Variants in NEDD4L observed in about 807,000 individuals in gnomAD.
The protein encoded by NEDD4L is NEDD4 like E3 ubiquitin protein ligase.
Under a neutral mutation model 148.9 loss-of-function variants are expected in NEDD4L, and 54 were observed. The ratio of observed to expected loss-of-function variants is 0.36; its 90% CI spans 0.29 to 0.45. NEDD4L has a LOEUF of 0.45. Among genes scored for constraint, NEDD4L ranks in the 20% least tolerant of loss-of-function variants. The pLI, the probability that NEDD4L is intolerant of heterozygous loss-of-function variation, is 1.00. For missense variants in NEDD4L, 856 were observed against 1,233.8 expected (o/e 0.69, Z 4.59); for synonymous variants, 433 against 440.7 (o/e 0.98, Z 0.22).
chr18:58,346,508 A>C (rs1478291863), intron 16 of NEDD4L, among the ~76,000 whole-genome samples: 1 of 152,244 alleles, frequency 6.6e-6, no homozygotes, highest in Non-Finnish European at 1.5e-5. Flanking sequence ...GTTAAGTTGC[A>C]GGTTTGTTTT....
intron 5 of NEDD4L, among the ~76,000 whole-genome samples, chr18:58,289,241 A>ACGCT (rs1342573850): frequency 6.6e-6 from 1 of 152,186 alleles, no homozygotes; most frequent in African/African-American, 2.4e-5. Flanking sequence ...TAACAACTGA[A>ACGCT]CGCTCAGTTG....
At chr18:58,306,840 G>T (rs2057121795) in intron 5 of NEDD4L, among the ~76,000 whole-genome samples, 1 of 152,078 alleles carries the variant, frequency 6.6e-6, no homozygotes, top group African/African-American at 2.4e-5. Context: ...CACCATGTTG[G>T]CCAGGCTGTT....
At chr18:58,096,420 A>ATTTTATTTT in intron 1 of NEDD4L, among the ~76,000 whole-genome samples, 1 of 127,798 alleles carries the variant, frequency 7.8e-6, no homozygotes, top group African/African-American at 3.5e-5. Context: ...TATTTTATTT[A>ATTTTATTTT]TTTGACAGAG....
chr18:58,064,660 T>G (rs1164571767), intron 1 of NEDD4L, among the ~76,000 whole-genome samples: 1 of 152,368 alleles, frequency 6.6e-6, no homozygotes, highest in South Asian at 2.1e-4. Flanking sequence ...ATCTTGATCC[T>G]GAATACAAGG....
intron 5 of NEDD4L, among the ~76,000 whole-genome samples, chr18:58,266,269 A>G (rs1212786913): frequency 6.6e-6 from 1 of 152,118 alleles, no homozygotes; most frequent in Non-Finnish European, 1.5e-5. Context: ...AAGCAGTGAA[A>G]ATTGAGTATC....
At chr18:58,317,215 C>T (rs890449994) in intron 6 of NEDD4L, among the ~76,000 whole-genome samples, 3 of 152,236 alleles carry the variant, frequency 2.0e-5, no homozygotes, top group Admixed American at 6.5e-5. Context: ...CAGGGTGCCA[C>T]GGGAGGGGCC....
At chr18:58,284,129 A>G (rs944753631) in intron 5 of NEDD4L, among the ~76,000 whole-genome samples, 3 of 152,194 alleles carry the variant, frequency 2.0e-5, no homozygotes, top group Non-Finnish European at 2.9e-5. Context: ...TAAACCATCA[A>G]TTTCCATTGT....
At chr18:58,148,913 C>T (rs1156316989) in intron 1 of NEDD4L, among the ~76,000 whole-genome samples, 1 of 152,162 alleles carries the variant, frequency 6.6e-6, no homozygotes, top group African/African-American at 2.4e-5. Flanking sequence ...TCCTTATTTG[C>T]TCTAAGCAGT....
At position 58,065,940 on chromosome 18, in the gene NEDD4L, A is replaced by G. The variant is rs1271918694; in HGVS notation, c.48+21232A>G. On this transcript the variant is annotated intron_variant, in intron 1 of 30. Transcript: ENST00000400345. ...TATTGAATGATAGCTCACTGCTTAA[A>G]TAAGTGTTTAGAGTCCCAAGGTATA... is the stretch of plus-strand genomic sequence containing the variant. 2.0e-5 allele frequency among the ~76,000 whole-genome samples: 3 copies of G among 152,224 alleles called. No individual in the cohort carries two copies. In the East Asian group the frequency reaches 5.8e-4, roughly 29 times the overall value.
chr18:58,172,377 A>G (rs1267747604), intron 2 of NEDD4L, among the ~76,000 whole-genome samples: 3 of 152,160 alleles, frequency 2.0e-5, no homozygotes, highest in African/African-American at 2.4e-5. Flanking sequence ...TGAAGTGTGC[A>G]GTTAGGGTAG....
intron 1 of NEDD4L, among the ~76,000 whole-genome samples, chr18:58,113,450 G>T (rs2085540255): frequency 1.3e-5 from 2 of 152,294 alleles, no homozygotes; most frequent in East Asian, 1.9e-4. Context: ...TTTCTCTTTG[G>T]TGGGGGTTGA....
At chr18:58,168,006 C>T (rs1217170726) in intron 2 of NEDD4L, among the ~76,000 whole-genome samples, 2 of 152,062 alleles carry the variant, frequency 1.3e-5, no homozygotes, top group African/African-American at 4.8e-5. Context: ...GGCTCCAAAT[C>T]TTAGAAGAGC....
chr18:58,202,515 C>A (rs2041525889), intron 2 of NEDD4L, among the ~76,000 whole-genome samples: 1 of 152,246 alleles, frequency 6.6e-6, no homozygotes, highest in Non-Finnish European at 1.5e-5. Flanking sequence ...AAGCGCTGGA[C>A]TGGTGGCTTT....
chr18:58,118,408 A>G (rs1192477786), intron 1 of NEDD4L, among the ~76,000 whole-genome samples: 3 of 152,178 alleles, frequency 2.0e-5, no homozygotes, highest in African/African-American at 4.8e-5. Flanking sequence ...GGCTTTTCCT[A>G]CTTTCTCATC....
Position 58,341,687 on chromosome 18 carries a change from G to A in NEDD4L, c.1267G>A (p.Asp423Asn), listed in dbSNP as rs1489454109. The change falls in exon 15 of 31, where the codon GAT becomes AAT. Residue 423 changes from aspartate (D) to asparagine (N), a missense_variant. Physicochemically the swap from Asp to Asn is conservative, Grantham distance 23. Transcript: ENST00000400345. ...TTTGCCTCCAAAATAGCTTGCAGAA[G>A]ATGGTGCGTCCGGATCAGCCACAAA... ...WTRPIMQLAE[D>N]GASGSATNSN... 6.2e-7 allele frequency: 1 copy of A among 1,613,290 alleles called. No individual in the cohort carries two copies. The highest frequency in any genetic ancestry group is 1.7e-5 in the Admixed American group (1 of 59,970).
At chr18:58,046,045 G>A (rs1251727743) in intron 1 of NEDD4L, 1 of 152,204 alleles carries the variant, frequency 6.6e-6, no homozygotes, top group African/African-American at 2.4e-5. Flanking sequence ...AGGTATTTTG[G>A]GGTGGGAAGG....
chr18:58,048,546 T>C (rs553342115), intron 1 of NEDD4L, among the ~76,000 whole-genome samples: 23 of 152,340 alleles, frequency 1.5e-4, no homozygotes, highest in African/African-American at 5.3e-4. Flanking sequence ...TAGAAAGGCC[T>C]AGTTTTTAAC....
intron 24 of NEDD4L, among the ~76,000 whole-genome samples, chr18:58,379,020 G>A (rs1481049672): frequency 1.3e-5 from 2 of 152,220 alleles, no homozygotes; most frequent in African/African-American, 4.8e-5. Flanking sequence ...CTTGCTGAGC[G>A]CCTGCTGTGG....
At chr18:58,387,317 C>G (rs1161967924) in intron 26 of NEDD4L, 122 bp from the exon 27 acceptor site, 1 of 1,116,964 alleles carries the variant, frequency 9.0e-7, no homozygotes, top group East Asian at 2.7e-5. Flanking sequence ...CTGTCACTGA[C>G]ATAGGAATCA....
Sources: allele counts gnomAD v4.1 joint callset (sites outside exome capture counted in the v4.1 genomes callset), GRCh38; gene constraint gnomAD v4.1.1; transcripts MANE v1.5; gene names NCBI Gene and HGNC (gene_info 2026-07-23, HGNC 2026-07-21).